The following SDK1 variants were observed in gnomAD, a reference collection of about 807,000 sequenced individuals.
SDK1 encodes sidekick cell adhesion molecule 1, also known as protein sidekick-1.
In SDK1, 157 loss-of-function variants were observed where a neutral mutation model predicts 245.5. The ratio of observed to expected loss-of-function variants is 0.64; its 90% CI spans 0.56 to 0.73. SDK1 has a LOEUF of 0.73. SDK1 is among the 30% of genes least tolerant of loss of function. SDK1 has a pLI of 0.00. For synonymous variants in SDK1, 1,647 were observed against 1,278.5 expected (o/e 1.29, Z -6.15); for missense variants, 3,583 against 3,002.3 (o/e 1.19, Z -4.52).
intron 5 of SDK1, among the ~76,000 whole-genome samples, chr7:3,880,009 C>T (rs894855424): frequency 4.6e-5 from 7 of 151,954 alleles, no homozygotes; most frequent in Non-Finnish European, 7.4e-5. Flanking sequence ...TTCTCAATGG[C>T]TTTATAATTT....
At chr7:3,762,543 A>T (rs572388915) in intron 4 of SDK1, among the ~76,000 whole-genome samples, 6 of 152,312 alleles carry the variant, frequency 3.9e-5, no homozygotes, top group East Asian at 1.9e-4. Flanking sequence ...AAATTGAGGG[A>T]AAATTGTGCT....
At chr7:3,709,758 C>G (rs1784989036) in intron 4 of SDK1, among the ~76,000 whole-genome samples, 3 of 152,106 alleles carry the variant, frequency 2.0e-5, no homozygotes. Context: ...GCTTTTGAAA[C>G]ATTTGCCTAG....
intron 13 of SDK1, among the ~76,000 whole-genome samples, chr7:3,982,765 A>C (rs960730697): frequency 6.6e-6 from 1 of 152,008 alleles, no homozygotes; most frequent in African/African-American, 2.4e-5. Context: ...GCATGAACCC[A>C]GGAGGCGGAG....
At chr7:4,237,980 C>T (rs996112952) in intron 42 of SDK1, among the ~76,000 whole-genome samples, 196 bp downstream of exon 42, 2 of 152,174 alleles carry the variant, frequency 1.3e-5, no homozygotes. Flanking sequence ...CCTCGGGACC[C>T]AGATGCTGAC....
At chr7:3,410,701 C>G (rs1384939815) in intron 1 of SDK1, among the ~76,000 whole-genome samples, 1 of 150,478 alleles carries the variant, frequency 6.6e-6, no homozygotes, top group African/African-American at 2.5e-5. Context: ...GTTCTCTTGC[C>G]TCAGCCTTCT....
chr7:3,879,662 A>G (rs1027793044), intron 5 of SDK1, among the ~76,000 whole-genome samples: 6 of 152,312 alleles, frequency 3.9e-5, no homozygotes, highest in Admixed American at 6.5e-5. Flanking sequence ...TGTTCAGTCA[A>G]TAGCTTTTGC....
At chr7:4,086,364 G>A (rs1781428406) in intron 22 of SDK1, among the ~76,000 whole-genome samples, 1 of 152,200 alleles carries the variant, frequency 6.6e-6, no homozygotes, top group African/African-American at 2.4e-5. Context: ...TAGTTCTGCA[G>A]GTCAGAAGTC....
chr7:4,122,120 C>T (rs1351004533), intron 25 of SDK1, among the ~76,000 whole-genome samples: 1 of 152,108 alleles, frequency 6.6e-6, no homozygotes, highest in Admixed American at 6.5e-5. Flanking sequence ...CCAGATGCTG[C>T]AGGACTTCCG....
intron 1 of SDK1, among the ~76,000 whole-genome samples, chr7:3,389,813 C>T (rs904207873): frequency 2.0e-5 from 3 of 151,958 alleles, no homozygotes; most frequent in Non-Finnish European, 4.4e-5. Flanking sequence ...GCTGTGGTAA[C>T]AAATATCTGA....
chr7:3,941,066 G>A (rs574430724), intron 5 of SDK1, among the ~76,000 whole-genome samples: 47 of 151,930 alleles, frequency 3.1e-4, no homozygotes, highest in African/African-American at 1.0e-3. Context: ...CCAGACCCCC[G>A]TCTGTCTCCT....
At chr7:4,049,880 C>A (rs1789312140) in intron 18 of SDK1, among the ~76,000 whole-genome samples, 1 of 152,140 alleles carries the variant, frequency 6.6e-6, no homozygotes, top group Non-Finnish European at 1.5e-5. Context: ...TCCTCCCTTT[C>A]TACTTCAGGG....
At chr7:3,303,621 G>GT (rs1274968172) in intron 1 of SDK1, among the ~76,000 whole-genome samples, 1 of 152,170 alleles carries the variant, frequency 6.6e-6, no homozygotes, top group Non-Finnish European at 1.5e-5. Context: ...ATTGGTACCT[G>GT]TTTTACATTT....
intron 1 of SDK1, among the ~76,000 whole-genome samples, chr7:3,595,448 G>A (rs967483578): frequency 6.6e-6 from 1 of 151,938 alleles, no homozygotes; most frequent in Non-Finnish European, 1.5e-5. Context: ...TGGGTAAGAG[G>A]CATATTTGTA....
At chr7:3,336,507 T>C (rs1000782826) in intron 1 of SDK1, among the ~76,000 whole-genome samples, 8 of 152,160 alleles carry the variant, frequency 5.3e-5, no homozygotes, top group Non-Finnish European at 1.0e-4. Context: ...ACTTGACCTC[T>C]TCCATCCCCA....
At chr7:3,855,660 G>A (rs749981996) in intron 5 of SDK1, among the ~76,000 whole-genome samples, 1 of 152,210 alleles carries the variant, frequency 6.6e-6, no homozygotes, top group Admixed American at 6.5e-5. Flanking sequence ...GGGAGGTAAT[G>A]TACAAAGAAG....
Position 3,311,904 on chromosome 7 carries a change from A to C in SDK1, c.298+10020A>C, listed in dbSNP as rs897514930. Among the ~76,000 whole-genome samples, 5 of 152,210 alleles carry C rather than the reference A, an allele frequency of 3.3e-5. No individual in the cohort carries two copies. In the South Asian group the frequency reaches 1.0e-3, roughly 31 times the overall value. On this transcript the variant is annotated intron_variant, in intron 1 of 44. Coordinates refer to ENST00000404826, the MANE Select transcript of SDK1 (RefSeq NM_152744.4). ...GGTTTCTGATCTGAATACACGCCCC[A>C]ATGGCTTAGTCCTGAGGGTCTCATG...
At chr7:3,461,188 T>G (rs1780820700) in intron 1 of SDK1, among the ~76,000 whole-genome samples, 1 of 152,170 alleles carries the variant, frequency 6.6e-6, no homozygotes. Context: ...GGACCCAGCA[T>G]TTACCTTAGG....
At chr7:3,394,134 A>G (rs1781831915) in intron 1 of SDK1, among the ~76,000 whole-genome samples, 1 of 152,122 alleles carries the variant, frequency 6.6e-6, no homozygotes, top group African/African-American at 2.4e-5. Context: ...CTGGATTACC[A>G]GACAGAGATA....
chr7:3,387,645 A>G (rs1052301844), intron 1 of SDK1, among the ~76,000 whole-genome samples: 1 of 152,206 alleles, frequency 6.6e-6, no homozygotes, highest in African/African-American at 2.4e-5. Flanking sequence ...CTGGGGATGT[A>G]TAGTGGTGAT....
Sources: gnomAD v4.1 joint callset for allele counts (sites outside exome capture counted in the v4.1 genomes callset) on GRCh38, gnomAD v4.1.1 for gene constraint, MANE v1.5 for transcripts, NCBI Gene and HGNC (gene_info 2026-07-23, HGNC 2026-07-21) for gene names.